The following ALDH1L1 variants were observed in gnomAD, a reference collection of about 807,000 sequenced individuals.
ALDH1L1 encodes cytosolic 10-formyltetrahydrofolate dehydrogenase.
ALDH1L1 carries 68 observed loss-of-function variants against 101.1 expected under a neutral mutation model. The ratio of observed to expected loss-of-function variants is 0.67; its 90% CI spans 0.55 to 0.82. ALDH1L1 has a LOEUF of 0.82. Ranked by LOEUF, ALDH1L1 falls within the 40% of genes least tolerant of loss-of-function variation. The pLI, the probability that ALDH1L1 is intolerant of heterozygous loss-of-function variation, is 0.00. For missense variants in ALDH1L1, 1,087 were observed against 1,172.7 expected, an observed-to-expected ratio of 0.93 and a Z score of 1.07; for synonymous variants, 486 against 470.8, an observed-to-expected ratio of 1.03 and a Z score of -0.42.
At chr3:126,108,359 C>T (rs566313809) in intron 20 of ALDH1L1, among the ~76,000 whole-genome samples, 34 of 152,236 alleles carry the variant, frequency 2.2e-4, no homozygotes, top group Non-Finnish European at 4.4e-4. Flanking sequence ...CATACCCCCT[C>T]CAGGGCGGGG....
intron 17 of ALDH1L1, among the ~76,000 whole-genome samples, chr3:126,117,022 T>C (rs1028070147): frequency 2.0e-5 from 3 of 152,300 alleles, no homozygotes; most frequent in Admixed American, 6.5e-5. Context: ...TTTTTGATGG[T>C]AGCCACATTA....
chr3:126,126,245 A>C (rs1276831307), intron 14 of ALDH1L1, among the ~76,000 whole-genome samples: 1 of 152,148 alleles, frequency 6.6e-6, no homozygotes, highest in Non-Finnish European at 1.5e-5. Context: ...TTCTAGAGCG[A>C]GCCTCTGGCC....
intron 4 of ALDH1L1, 82 bp downstream of exon 4, chr3:126,157,261 C>G: frequency 6.7e-7 from 1 of 1,482,332 alleles, no homozygotes; most frequent in Non-Finnish European, 9.0e-7. Flanking sequence ...TTCCTGGCCT[C>G]CAGGAGCGGT....
chr3:126,127,229 CG>C (rs1176518107), intron 14 of ALDH1L1, among the ~76,000 whole-genome samples: 1 of 152,184 alleles, frequency 6.6e-6, no homozygotes, highest in Non-Finnish European at 1.5e-5. Flanking sequence ...GGCCCTGGCA[CG>C]GGGTCAAAGG....
At chr3:126,149,509 A>G (rs1405143604) in intron 8 of ALDH1L1, among the ~76,000 whole-genome samples, 1 of 152,256 alleles carries the variant, frequency 6.6e-6, no homozygotes, top group Non-Finnish European at 1.5e-5. Flanking sequence ...TCAGGGCCAG[A>G]GCAACTGCTC....
Position 126,137,894 on chromosome 3 carries a change from T to C in ALDH1L1, c.1143A>G (p.Ala381=), listed in dbSNP as rs769752197. The C allele has an allele frequency of 1.9e-6, 3 of 1,614,082 alleles. No individual in the cohort carries two copies. The African/African-American group carries it at 4.0e-5, about 22-fold the overall frequency. ...GCTGGATGAAGTCCCCAAAGGTGGATGCCATGTACACATCTTCATTTTCTA... is the reference window on the plus strand; with the variant it reads ...GCTGGATGAAGTCCCCAAAGGTGGACGCCATGTACACATCTTCATTTTCTA... ...LELENEDVYM[A]STFGDFIQLL... Residue 381 remains alanine (A), a synonymous_variant, in exon 10 of 23, where the codon GCA becomes GCG. Coordinates refer to ENST00000393434, the MANE Select transcript of ALDH1L1 (RefSeq NM_012190.4).
intron 1 of ALDH1L1, among the ~76,000 whole-genome samples, chr3:126,187,768 GC>G (rs1189451871): frequency 3.9e-5 from 6 of 152,158 alleles, no homozygotes; most frequent in Non-Finnish European, 7.4e-5. Flanking sequence ...ACTATCAAGG[GC>G]CCTTTAAGAC....
chr3:126,110,596 G>A (rs1946046725), intron 19 of ALDH1L1, among the ~76,000 whole-genome samples: 1 of 152,106 alleles, frequency 6.6e-6, no homozygotes, highest in East Asian at 1.9e-4. Flanking sequence ...CAAGGCTCTA[G>A]TCTGCTGACC....
intron 17 of ALDH1L1, 33 bp downstream of exon 17, chr3:126,117,972 A>C (rs777697504): frequency 1.3e-6 from 2 of 1,579,166 alleles, no homozygotes; most frequent in Non-Finnish European, 8.7e-7. Flanking sequence ...AGCCCACAGC[A>C]GCCCCTCCTC....
chr3:126,180,518 T>G lies in ALDH1L1; in HGVS notation c.-66A>C. 6 of 1,016,754 alleles carry G rather than the reference T, an allele frequency of 5.9e-6. No homozygotes were observed. The highest frequency in any genetic ancestry group is 7.1e-6 in the Non-Finnish European group (6 of 848,602). The allele number at this position is 1,016,754 out of a possible 1,614,324, so 63.0% of individuals were successfully genotyped here. A position where few individuals can be genotyped will look rare whatever the true frequency, so the allele number is the denominator to read the frequency against. ...GCGGGCGTCCCGGGCAGGTTAGACT[T>G]CTGTGAGCCGCAGCCCCGAAACTGA... On this transcript the variant is annotated 5_prime_UTR_variant, in exon 1 of 23. Coordinates refer to ENST00000393434, the MANE Select transcript of ALDH1L1 (RefSeq NM_012190.4).
Position 126,116,942 on chromosome 3 carries a change from A to T in ALDH1L1, c.1982+1063T>A, listed in dbSNP as rs1252895270. ...AGTCCAAGGATGAAGACATGAGTTG[A>T]CCTAGATCACTTCTGTCCATAGAAA... On this transcript the variant is annotated intron_variant, in intron 17 of 22. Coordinates refer to ENST00000393434, the MANE Select transcript of ALDH1L1 (RefSeq NM_012190.4). 2.6e-5 allele frequency among the ~76,000 whole-genome samples: 4 copies of T among 152,326 alleles called. No individual in the cohort carries two copies. In the East Asian group the frequency reaches 7.7e-4, roughly 29 times the overall value.
chr3:126,189,351 C>T (rs1470344783), intron 1 of ALDH1L1, among the ~76,000 whole-genome samples: 3 of 152,196 alleles, frequency 2.0e-5, no homozygotes, highest in Non-Finnish European at 2.9e-5. Flanking sequence ...TTAGTTCCCA[C>T]GTATTGGGAA....
rs1198327438 is a variant in ALDH1L1 at position 126,191,390 on chromosome 3, A to G, written c.-24+6345T>C. Among the ~76,000 whole-genome samples the G allele has an allele frequency of 2.6e-5, 4 of 152,168 alleles. No homozygotes were observed. The South Asian group carries it at 6.2e-4, about 24-fold the overall frequency. On this transcript the variant is annotated intron_variant, in intron 1 of 2. Transcript: ENST00000509952. ...CTGCGGGGGCTGACTGCCAGCTGTA[A>G]TGTGCAATGGGCCTATTGTTTTCCC... is the stretch of plus-strand genomic sequence containing the variant.
intron 13 of ALDH1L1, 55 bp from the exon 14 acceptor site, chr3:126,130,348 C>T (rs2080277093): frequency 1.4e-6 from 2 of 1,474,388 alleles, no homozygotes; most frequent in South Asian, 2.8e-5. Flanking sequence ...ACCCCTTCCC[C>T]TCTAGGCAGC....
In ALDH1L1 at chr3:126,176,215, T is replaced by C. The variant is rs564355929; in HGVS notation, c.-24+4261A>G. 1.4e-4 allele frequency among the ~76,000 whole-genome samples: 22 copies of C among 152,308 alleles called. No homozygotes were observed. In the South Asian group the frequency reaches 4.1e-3, roughly 29 times the overall value. ...AAATAAATGAAGAGATAGTACATGT[T>C]CATGGGTAGGGAAACTCTATACTGT... is the stretch of plus-strand genomic sequence containing the variant. On this transcript the variant is annotated intron_variant, in intron 1 of 22. Coordinates refer to ENST00000393434, the MANE Select transcript of ALDH1L1 (RefSeq NM_012190.4).
At chr3:126,115,897 G>A (rs545491540) in intron 17 of ALDH1L1, among the ~76,000 whole-genome samples, 2 of 151,126 alleles carry the variant, frequency 1.3e-5, no homozygotes, top group South Asian at 4.2e-4. Flanking sequence ...CTTTGAGATA[G>A]AGTCACACTC....
intron 12 of ALDH1L1, among the ~76,000 whole-genome samples, chr3:126,133,312 T>C (rs1182278735): frequency 6.6e-6 from 1 of 152,168 alleles, no homozygotes; most frequent in Non-Finnish European, 1.5e-5. Context: ...AGGCTCCCAC[T>C]GCATCACTGT....
chr3:126,174,019 C>T (rs1267431193), intron 1 of ALDH1L1, among the ~76,000 whole-genome samples: 1 of 152,198 alleles, frequency 6.6e-6, no homozygotes, highest in African/African-American at 2.4e-5. Context: ...GAGACATCAA[C>T]ACCTCTCTGT....
chr3:126,109,763 C>T (rs772178701), intron 20 of ALDH1L1, among the ~76,000 whole-genome samples, 181 bp downstream of exon 20: 4 of 152,214 alleles, frequency 2.6e-5, no homozygotes, highest in South Asian at 2.1e-4. Context: ...GTCCCATCCC[C>T]GGGTCTGGCT....
Sources: gnomAD v4.1 joint callset for allele counts (sites outside exome capture counted in the v4.1 genomes callset) on GRCh38, gnomAD v4.1.1 for gene constraint, MANE v1.5 for transcripts, NCBI Gene and HGNC (gene_info 2026-07-23, HGNC 2026-07-21) for gene names.